Variants in PHF14 observed in about 807,000 individuals in gnomAD.
PHF14 encodes PHD finger protein 14.
Under a neutral mutation model 117.9 loss-of-function variants are expected in PHF14, and 55 were observed. The ratio of observed to expected loss-of-function variants is 0.47; its 90% CI spans 0.38 to 0.58. The LOEUF is 0.58. PHF14 is among the 20% of genes least tolerant of loss of function. The pLI, the probability that PHF14 is intolerant of heterozygous loss-of-function variation, is 0.00. For synonymous variants in PHF14, 409 were observed against 368.6 expected (o/e 1.11, Z -1.26); for missense variants, 978 against 1,122.2 (o/e 0.87, Z 1.84).
chr7:11,145,699 T>C lies in PHF14; in HGVS notation c.2773-23717T>C, dbSNP rs528837474. Among the ~76,000 whole-genome samples, 27 of 152,228 alleles carry C rather than the reference T, an allele frequency of 1.8e-4. No individual in the cohort carries two copies. The South Asian group carries it at 5.6e-3, about 32-fold the overall frequency. On this transcript the variant is annotated intron_variant, in intron 17 of 17. Transcript: ENST00000634607. The stretch of plus-strand genomic sequence containing the variant: ...TCTGATCAAATAACTATGCTTTGTT[T>C]GTACCACAAGGAAATATACTAATGA...
chr7:11,121,041 A>C (rs1043687483), intron 17 of PHF14, among the ~76,000 whole-genome samples: 1 of 152,214 alleles, frequency 6.6e-6, no homozygotes, highest in Non-Finnish European at 1.5e-5. Flanking sequence ...ATGTAAACGT[A>C]ACAAACCACT....
At chr7:11,040,227 A>AG (rs1319618319) in intron 11 of PHF14, among the ~76,000 whole-genome samples, 1 of 152,090 alleles carries the variant, frequency 6.6e-6, no homozygotes, top group African/African-American at 2.4e-5. Context: ...AGATTAGTAG[A>AG]AACCCAAAGA....
At chr7:10,981,387 A>T (rs748526976) in intron 2 of PHF14, among the ~76,000 whole-genome samples, 15 of 152,062 alleles carry the variant, frequency 9.9e-5, no homozygotes, top group Non-Finnish European at 1.9e-4. Context: ...TCTCGCTTCA[A>T]AGATTTTAGA....
At chr7:10,996,210 G>A (rs1205896441) in intron 4 of PHF14, among the ~76,000 whole-genome samples, 1 of 152,224 alleles carries the variant, frequency 6.6e-6, no homozygotes, top group Non-Finnish European at 1.5e-5. Flanking sequence ...TGAATCTAAG[G>A]TGGGAAACTA....
At chr7:11,077,260 G>A (rs1037418670) in intron 16 of PHF14, among the ~76,000 whole-genome samples, 20 of 151,290 alleles carry the variant, frequency 1.3e-4, no homozygotes, top group Non-Finnish European at 2.7e-4. Context: ...ATGTAAAAAT[G>A]TTAGAAACGT....
chr7:11,154,739 C>T (rs1226209842), intron 17 of PHF14, among the ~76,000 whole-genome samples: 8 of 152,052 alleles, frequency 5.3e-5, no homozygotes, highest in Non-Finnish European at 1.0e-4. Flanking sequence ...ATCAGATGCC[C>T]GTGGGGTGAC....
chr7:11,015,354 A>C (rs546325277), intron 5 of PHF14: 1 of 152,334 alleles, frequency 6.6e-6, no homozygotes, highest in South Asian at 2.1e-4. Flanking sequence ...GTTGATGTTC[A>C]GGACAAATGA....
chr7:11,119,404 A>G (rs919916305), intron 17 of PHF14, among the ~76,000 whole-genome samples: 1 of 151,872 alleles, frequency 6.6e-6, no homozygotes, highest in Non-Finnish European at 1.5e-5. Context: ...TATATCATAG[A>G]TCGTACTGTT....
intron 11 of PHF14, among the ~76,000 whole-genome samples, chr7:11,040,229 A>C (rs1292276496): frequency 6.6e-6 from 1 of 152,090 alleles, no homozygotes; most frequent in African/African-American, 2.4e-5. Flanking sequence ...ATTAGTAGAA[A>C]CCCAAAGAGA....
chr7:11,088,117 C>T (rs931670095), intron 16 of PHF14, among the ~76,000 whole-genome samples: 1 of 152,068 alleles, frequency 6.6e-6, no homozygotes, highest in African/African-American at 2.4e-5. Context: ...TGCTCAAGTC[C>T]CTTATGTAAA....
Position 11,012,715 on chromosome 7 carries a change from T to A in PHF14, c.1046-1032T>A, listed in dbSNP as rs1169253169. On this transcript the variant is annotated intron_variant, in intron 4 of 17. Coordinates refer to ENST00000634607, the MANE Select transcript of PHF14 (RefSeq NM_001007157.2). ...TACATTAGCTGCCTAAATAATATGA[T>A]GAACTCCTCTCAGAATGTTGAGTTT... 2.0e-5 allele frequency among the ~76,000 whole-genome samples: 3 copies of A among 152,352 alleles called. No individual in the cohort carries two copies. The East Asian group carries it at 5.8e-4, about 29-fold the overall frequency.
intron 17 of PHF14, among the ~76,000 whole-genome samples, chr7:11,115,731 G>A (rs1262679983): frequency 6.6e-6 from 1 of 151,966 alleles, no homozygotes; most frequent in East Asian, 1.9e-4. Context: ...AGAATCACAG[G>A]TTACATTTAG....
chr7:11,046,412 A>C (rs1314800431), intron 13 of PHF14, among the ~76,000 whole-genome samples: 2 of 152,180 alleles, frequency 1.3e-5, no homozygotes, highest in African/African-American at 4.8e-5. Context: ...CAGAGAATTG[A>C]GTAATATATC....
intron 2 of PHF14, among the ~76,000 whole-genome samples, chr7:10,980,856 C>T (rs1156866538): frequency 6.6e-6 from 1 of 152,128 alleles, no homozygotes; most frequent in African/African-American, 2.4e-5. Flanking sequence ...TTCTGAAACA[C>T]ATCTGGTTCT....
At chr7:11,105,296 A>C (rs759541154) in intron 16 of PHF14, 1 of 948,266 alleles carries the variant, frequency 1.1e-6, no homozygotes, top group Non-Finnish European at 1.3e-6. Context: ...ATGATGTTAA[A>C]AATAGACTGC....
chr7:11,029,215 C>T (rs1169906298), intron 7 of PHF14, among the ~76,000 whole-genome samples: 1 of 152,120 alleles, frequency 6.6e-6, no homozygotes, highest in East Asian at 1.9e-4. Context: ...TTTAGTATCT[C>T]TGTTACTATC....
Position 11,106,974 on chromosome 7 carries a change from C to A in PHF14, c.2655-4376C>A, listed in dbSNP as rs559218925. 3.7e-5 allele frequency: 36 copies of A among 982,784 alleles called. No homozygotes were observed. In the African/African-American group the frequency reaches 6.1e-4, roughly 17 times the overall value. 60.9% of individuals were successfully genotyped at this position (982,784 alleles called of 1,614,324 possible). On this transcript the variant is annotated intron_variant, in intron 16 of 17. Transcript: ENST00000634607. ...TCAACTTGATCATAAAAATGTACAT[C>A]CTTGTTCAAGTCTATGTTATGGATT...
chr7:11,055,434 T>C (rs2128327772), intron 14 of PHF14, among the ~76,000 whole-genome samples: 1 of 152,286 alleles, frequency 6.6e-6, no homozygotes, highest in South Asian at 2.1e-4. Context: ...GCATGCATCA[T>C]CTACTCTCTT....
intron 5 of PHF14, among the ~76,000 whole-genome samples, chr7:11,014,619 C>G (rs1158308935): frequency 1.3e-5 from 2 of 152,116 alleles, no homozygotes; most frequent in East Asian, 1.9e-4. Flanking sequence ...AGGAAGTACT[C>G]CACCCATACC....
Sources: allele counts gnomAD v4.1 joint callset (sites outside exome capture counted in the v4.1 genomes callset), GRCh38; gene constraint gnomAD v4.1.1; transcripts MANE v1.5; gene names NCBI Gene and HGNC (gene_info 2026-07-23, HGNC 2026-07-21).